GNAS-AS1: variants seen among roughly 807,000 people sequenced by gnomAD.
GNAS-AS1 encodes the protein GNAS antisense RNA 1.
Position 58,830,458 on chromosome 20 carries a change from C to CCACCAT in GNAS-AS1, n.820-11204_820-11203insATGGTG, listed in dbSNP as rs1568900359. Among the ~76,000 whole-genome samples the CCACCAT allele has an allele frequency of 4.6e-4, 29 of 62,846 alleles. 1 individual carries two copies. Among genetic ancestry groups the CCACCAT allele is most frequent in the African/African-American group, 1.4e-3 (22 of 15,328 alleles). 41.2% of individuals were successfully genotyped at this position (62,846 alleles called of 152,430 possible). ...ACCATCATTACCACCACCACCATCA[C>CCACCAT]CACCACCACACCACCATCATCACCA... On this transcript the variant is annotated intron_variant and non_coding_transcript_variant, in intron 4 of 4. Coordinates refer to ENST00000424094, the Ensembl canonical transcript of GNAS-AS1.
At chr20:58,838,093 A>G (rs2085620784) in intron 4 of GNAS-AS1, among the ~76,000 whole-genome samples, 1 of 152,220 alleles carries the variant, frequency 6.6e-6, no homozygotes, top group Non-Finnish European at 1.5e-5. Flanking sequence ...ATGTGTCCTA[A>G]GTGAAACAAC....
intron 2 of GNAS-AS1, among the ~76,000 whole-genome samples, chr20:58,844,652 C>A (rs548845059): frequency 6.9e-4 from 103 of 149,972 alleles, no homozygotes; most frequent in Non-Finnish European, 1.1e-3. Context: ...GCTTAAGAAG[C>A]CTGGGGTTGT....
chr20:58,838,900 G>C (rs895617271), intron 4 of GNAS-AS1: 1 of 356,926 alleles, frequency 2.8e-6, no homozygotes, highest in African/African-American at 2.7e-5. Flanking sequence ...TTGGGTGACA[G>C]AGCAAGATTC....
At position 58,841,999 on chromosome 20, in the gene GNAS-AS1, T is replaced by A; in HGVS notation, n.757A>T. On this transcript the variant is annotated non_coding_transcript_exon_variant, in exon 4 of 5. Coordinates refer to ENST00000424094, the Ensembl canonical transcript of GNAS-AS1. The surrounding 1 kb of genome is among the most constrained non-coding windows in gnomAD (Gnocchi z 5.0). ...GGAAAGGTGTTGGATCCGGCGCCAGTCCTTGGACGATCAGTCGTCGAAAAG... is the reference window on the plus strand; with the variant it reads ...GGAAAGGTGTTGGATCCGGCGCCAGACCTTGGACGATCAGTCGTCGAAAAG... 1 of 900,240 alleles carries A rather than the reference T, an allele frequency of 1.1e-6. No homozygotes were observed. Among genetic ancestry groups the A allele is most frequent in the African/African-American group, 1.7e-5 (1 of 58,300 alleles). The allele number at this position is 900,240 out of a possible 1,614,324, so 55.8% of individuals were successfully genotyped here.
chr20:58,828,568 C>T (rs1053755368), intron 4 of GNAS-AS1, among the ~76,000 whole-genome samples: 2 of 152,210 alleles, frequency 1.3e-5, no homozygotes, highest in Non-Finnish European at 1.5e-5. Context: ...GGCTGAGACT[C>T]GATCTCTCCA....
Position 58,840,951 on chromosome 20 carries a change from AG to A in GNAS-AS1, n.819+985del. ...TGTGGGAGCAGCGCAGGTGGAAAGG[AG>A]GTGAGAAGGAAAGGCAGGTCAGGGG... On this transcript the variant is annotated intron_variant and non_coding_transcript_variant, in intron 4 of 4. Coordinates refer to ENST00000424094, the Ensembl canonical transcript of GNAS-AS1. This position sits in a 1 kb window ranked among gnomAD's most constrained non-coding sequence, Gnocchi z 6.0. 1 of 1,549,778 alleles carries A rather than the reference AG, an allele frequency of 6.5e-7. No individual in the cohort carries two copies.
chr20:58,820,928 G>A (rs941858445), intron 4 of GNAS-AS1, among the ~76,000 whole-genome samples: 11 of 152,186 alleles, frequency 7.2e-5, no homozygotes, highest in Non-Finnish European at 1.3e-4. Flanking sequence ...GGGACACAGA[G>A]CCAAACCATA....
intron 2 of GNAS-AS1, among the ~76,000 whole-genome samples, chr20:58,847,787 G>T (rs980554419): frequency 2.0e-5 from 3 of 152,144 alleles, no homozygotes. Flanking sequence ...CCTTCTCTTT[G>T]TTGGCTACAG....
chr20:58,844,449 C>T (rs1284396199), intron 2 of GNAS-AS1, among the ~76,000 whole-genome samples: 1 of 152,168 alleles, frequency 6.6e-6, no homozygotes, highest in African/African-American at 2.4e-5. Flanking sequence ...TTTCCTATAA[C>T]TTGATGTCCC....
chr20:58,821,946 G>A (rs915058131), intron 4 of GNAS-AS1, among the ~76,000 whole-genome samples: 4 of 152,204 alleles, frequency 2.6e-5, no homozygotes, highest in African/African-American at 9.7e-5. Context: ...CAAGGCCCAG[G>A]TTTCATAGCA....
intron 4 of GNAS-AS1, among the ~76,000 whole-genome samples, chr20:58,820,270 T>C (rs2085477013): frequency 6.6e-6 from 1 of 152,134 alleles, no homozygotes; most frequent in Non-Finnish European, 1.5e-5. Flanking sequence ...GAAATATACA[T>C]GGGAAACCCA....
At chr20:58,839,225 G>T (rs3761263) in intron 4 of GNAS-AS1, 244,632 of 398,252 alleles carry the variant, frequency 0.61, 76,830 homozygotes, top group East Asian at 0.76. Context: ...AGCACGTATT[G>T]TTTGGAAACT....
Position 58,841,036 on chromosome 20 carries a change from G to A in GNAS-AS1, n.819+901C>T. On this transcript the variant is annotated intron_variant and non_coding_transcript_variant, in intron 4 of 4. Coordinates refer to ENST00000424094, the Ensembl canonical transcript of GNAS-AS1. This position sits in a 1 kb window ranked among gnomAD's most constrained non-coding sequence, Gnocchi z 5.0. ...CTGGGATCGGGGGTCAGGGTGAGGCGGCGAGGGCTCCCCCAAACTTCCCAG... is the reference window on the plus strand; with the variant it reads ...CTGGGATCGGGGGTCAGGGTGAGGCAGCGAGGGCTCCCCCAAACTTCCCAG... 3.2e-6 allele frequency: 3 copies of A among 932,616 alleles called. No individual in the cohort carries two copies. Among genetic ancestry groups the A allele is most frequent in the South Asian group, 1.6e-5 (1 of 60,854 alleles). 57.8% of individuals were successfully genotyped at this position (932,616 alleles called of 1,614,324 possible). A position where few individuals can be genotyped will look rare whatever the true frequency, so the allele number is the denominator to read the frequency against.
chr20:58,820,697 A>C (rs2085479998), intron 4 of GNAS-AS1, among the ~76,000 whole-genome samples: 1 of 152,272 alleles, frequency 6.6e-6, no homozygotes, highest in African/African-American at 2.4e-5. Context: ...GCAGAAGGCA[A>C]GGAGGAGCAA....
At chr20:58,842,041 G>A (rs2085753623) in exon 4 of GNAS-AS1, 1 of 581,782 alleles carries the variant, frequency 1.7e-6, no homozygotes, top group Non-Finnish European at 2.5e-6. Flanking sequence ...GGGGCCGGCG[G>A]CTCCGGCAGC....
chr20:58,830,984 TTC>T (rs2085565696), intron 4 of GNAS-AS1, among the ~76,000 whole-genome samples: 2 of 152,182 alleles, frequency 1.3e-5, no homozygotes, highest in African/African-American at 4.8e-5. Context: ...CATTTCACCC[TTC>T]TCTCTCCTAC....
chr20:58,823,195 A>G (rs1568897413), intron 4 of GNAS-AS1, among the ~76,000 whole-genome samples: 2 of 152,172 alleles, frequency 1.3e-5, no homozygotes, highest in South Asian at 4.1e-4. Context: ...GACATTTAAA[A>G]ATATCTGTCC....
chr20:58,840,314 C>G lies in GNAS-AS1; in HGVS notation n.819+1623G>C. 6.2e-7 allele frequency: 1 copy of G among 1,612,884 alleles called. No homozygotes were observed. Among genetic ancestry groups the G allele is most frequent in the Non-Finnish European group, 8.5e-7 (1 of 1,179,942 alleles). On this transcript the variant is annotated intron_variant and non_coding_transcript_variant, in intron 4 of 4. Coordinates refer to ENST00000424094, the Ensembl canonical transcript of GNAS-AS1. This position sits in a 1 kb window ranked among gnomAD's most constrained non-coding sequence, Gnocchi z 6.0. ...CCGGAGCTTCCTTAACGCCCACCAC[C>G]GCTCCGGCGCCCAGGTATTCCCTGA...
Position 58,840,704 on chromosome 20 carries a change from G to C in GNAS-AS1, n.819+1233C>G. ...GGAGGAGCTCAAGCCCGAGGACAAA[G>C]ATCCAAGGGACCCCGAAGAGTCGAA... On this transcript the variant is annotated intron_variant and non_coding_transcript_variant, in intron 4 of 4. Transcript: ENST00000424094. This position sits in a 1 kb window ranked among gnomAD's most constrained non-coding sequence, Gnocchi z 6.0. The C allele has an allele frequency of 6.2e-7, 1 of 1,603,922 alleles. No individual in the cohort carries two copies. Among genetic ancestry groups the C allele is most frequent in the South Asian group, 1.1e-5 (1 of 90,994 alleles).
Sources: allele counts gnomAD v4.1 joint callset (sites outside exome capture counted in the v4.1 genomes callset), GRCh38; gene constraint gnomAD v4.1.1; non-coding constraint Gnocchi (gnomAD v3.1); transcripts MANE v1.5; gene names NCBI Gene and HGNC (gene_info 2026-07-23, HGNC 2026-07-21).